Variants in SORBS2 observed in about 807,000 individuals in gnomAD.
SORBS2 encodes sorbin and SH3 domain containing 2, also known as sorbin and SH3 domain-containing protein 2.
SORBS2 carries 46 observed loss-of-function variants against 97.7 expected under a neutral mutation model. The observed-to-expected ratio is 0.47, with a 90% confidence interval of 0.37 to 0.60. The LOEUF (loss-of-function observed/expected upper bound fraction) is 0.60. Among genes scored for constraint, SORBS2 ranks in the 20% least tolerant of loss-of-function variants. SORBS2 has a pLI of 0.00. For synonymous variants in SORBS2, 476 were observed against 473.4 expected (o/e 1.01, Z -0.07); for missense variants, 1,316 against 1,282.3 (o/e 1.03, Z -0.40).
At chr4:185,894,550 CAT>C (rs763196483) in intron 1 of SORBS2, among the ~76,000 whole-genome samples, 39 of 152,340 alleles carry the variant, frequency 2.6e-4, no homozygotes, top group South Asian at 1.0e-3. Flanking sequence ...AATTACATCA[CAT>C]GTTACACTGA....
chr4:185,651,116 C>T (rs2097306472), intron 2 of SORBS2, among the ~76,000 whole-genome samples: 1 of 152,144 alleles, frequency 6.6e-6, no homozygotes, highest in African/African-American at 2.4e-5. Flanking sequence ...TGTGACTGGG[C>T]AGGGAGAGGA....
At position 185,905,255 on chromosome 4, in the gene SORBS2, G is replaced by C. The variant is rs544527018; in HGVS notation, c.-338+50941C>G. ...GGGTTCATCAAATAATGGCTAAAGT[G>C]AGCTCATTTTTATATCTATACAAAT... On this transcript the variant is annotated intron_variant, in intron 1 of 20. Transcript: ENST00000284776. 1.2e-4 allele frequency among the ~76,000 whole-genome samples: 18 copies of C among 152,260 alleles called. No homozygotes were observed. In the South Asian group the frequency reaches 3.5e-3, roughly 30 times the overall value.
chr4:185,606,220 G>T lies in SORBS2; in HGVS notation c.2796+5560C>A. ...ATGATAATGTCACACACCTCACTGG[G>T]TTTTGACGATTAAAGATGTGGAGTT... On this transcript the variant is annotated intron_variant, in intron 12 of 14. Transcript: ENST00000418609. This position sits in a 1 kb window ranked among gnomAD's most constrained non-coding sequence, Gnocchi z 4.3. The T allele has an allele frequency of 3.0e-6, 3 of 985,372 alleles. No individual in the cohort carries two copies. The highest frequency in any genetic ancestry group is 3.6e-6 in the Non-Finnish European group (3 of 829,920). 61.0% of individuals were successfully genotyped at this position (985,372 alleles called of 1,614,324 possible). A position where few individuals can be genotyped will look rare whatever the true frequency, so the allele number is the denominator to read the frequency against.
intron 2 of SORBS2, chr4:185,772,026 A>T (rs533955938): frequency 1.3e-5 from 2 of 152,340 alleles, no homozygotes; most frequent in East Asian, 3.9e-4. Flanking sequence ...ATACAAAAAA[A>T]TTCAATATTC....
At chr4:185,788,377 T>C (rs2099065994) in intron 1 of SORBS2, among the ~76,000 whole-genome samples, 1 of 152,090 alleles carries the variant, frequency 6.6e-6, no homozygotes, top group Non-Finnish European at 1.5e-5. Context: ...GAAAAACAAA[T>C]AAAATTTGGT....
chr4:185,713,632 A>G (rs2098442670), intron 2 of SORBS2, among the ~76,000 whole-genome samples: 1 of 152,248 alleles, frequency 6.6e-6, no homozygotes, highest in Non-Finnish European at 1.5e-5. Context: ...TAGCAAATGC[A>G]AAGAGGTAGT....
chr4:185,695,748 A>G (rs1046826927), intron 2 of SORBS2, among the ~76,000 whole-genome samples: 3 of 152,224 alleles, frequency 2.0e-5, no homozygotes, highest in African/African-American at 7.2e-5. Context: ...TTATAGTCAA[A>G]TGACTTAATT....
intron 1 of SORBS2, among the ~76,000 whole-genome samples, chr4:185,796,935 C>T (rs2099107317): frequency 1.4e-5 from 2 of 148,012 alleles, no homozygotes; most frequent in South Asian, 2.2e-4. Context: ...TCCCTGGTCA[C>T]GGTAGGGCTG....
intron 9 of SORBS2, 146 bp from the exon 22 acceptor site, chr4:185,615,305 T>C (rs2096611386): frequency 1.6e-6 from 1 of 616,362 alleles, no homozygotes; most frequent in Admixed American, 2.8e-5. Context: ...TAGATAAGAA[T>C]GATCCTTGCA....
intron 2 of SORBS2, among the ~76,000 whole-genome samples, chr4:185,749,351 GAGA>G: frequency 6.6e-6 from 1 of 152,358 alleles, no homozygotes; most frequent in East Asian, 1.9e-4. Context: ...AGAGCTGTCA[GAGA>G]AGATTTAATT....
chr4:185,649,756 A>G (rs1182613070), intron 2 of SORBS2, 100 bp from the exon 12 acceptor site: 3 of 685,450 alleles, frequency 4.4e-6, no homozygotes, highest in South Asian at 5.5e-5. Context: ...CAATGATTGC[A>G]TAGAAATTAT....
intron 2 of SORBS2, among the ~76,000 whole-genome samples, chr4:185,731,832 T>TTCTCTCTCTCTCTC (rs1201714307): frequency 2.4e-4 from 8 of 33,288 alleles, no homozygotes; most frequent in African/African-American, 4.8e-4. Flanking sequence ...GTCTCTCTCT[T>TTCTCTCTCTCTCTC]TCTCTCTCTC....
intron 12 of SORBS2, among the ~76,000 whole-genome samples, chr4:185,594,275 T>TA (rs2096031188): frequency 6.6e-6 from 1 of 152,150 alleles, no homozygotes; most frequent in South Asian, 2.1e-4. Context: ...GAATAGGAAA[T>TA]ATAGACACCT....
At chr4:185,634,583 G>A (rs1296096504) in intron 4 of SORBS2, among the ~76,000 whole-genome samples, 2 of 151,944 alleles carry the variant, frequency 1.3e-5, no homozygotes, top group African/African-American at 4.8e-5. Context: ...TTTGCAGAGA[G>A]CAGGTTAACA....
chr4:185,818,760 A>C (rs1224302761), intron 1 of SORBS2, among the ~76,000 whole-genome samples: 1 of 151,394 alleles, frequency 6.6e-6, no homozygotes, highest in East Asian at 2.0e-4. Context: ...CAGGAGGCGG[A>C]GGTTGCAGTG....
At chr4:185,754,333 C>T (rs1420423311) in intron 2 of SORBS2, among the ~76,000 whole-genome samples, 1 of 152,140 alleles carries the variant, frequency 6.6e-6, no homozygotes, top group African/African-American at 2.4e-5. Context: ...GGTTGAAAAA[C>T]TACCTATCAA....
intron 2 of SORBS2, among the ~76,000 whole-genome samples, chr4:185,682,670 T>C (rs1043624621): frequency 2.6e-5 from 4 of 152,218 alleles, no homozygotes; most frequent in Non-Finnish European, 5.9e-5. Context: ...AATGCAGTTG[T>C]GCATATTAAT....
At chr4:185,878,397 T>C (rs1224571924) in intron 1 of SORBS2, among the ~76,000 whole-genome samples, 3 of 152,128 alleles carry the variant, frequency 2.0e-5, no homozygotes, top group Admixed American at 1.3e-4. Flanking sequence ...CAAGCCCACC[T>C]CTCCGCACTT....
intron 2 of SORBS2, chr4:185,774,370 C>T (rs543372223): frequency 6.6e-6 from 1 of 152,054 alleles, no homozygotes; most frequent in Non-Finnish European, 1.5e-5. Flanking sequence ...AAAACTAAAG[C>T]TCCAATAAAT....
Sources: gnomAD v4.1 joint callset for allele counts (sites outside exome capture counted in the v4.1 genomes callset) on GRCh38, gnomAD v4.1.1 for gene constraint, Gnocchi (gnomAD v3.1) non-coding constraint, MANE v1.5 for transcripts, NCBI Gene and HGNC (gene_info 2026-07-23, HGNC 2026-07-21) for gene names.